Variants in PRELID2 observed in about 807,000 individuals in gnomAD.
PRELID2 encodes the protein PRELI domain containing 2, also known as PRELI domain-containing protein 2.
Under a neutral mutation model 28.4 loss-of-function variants are expected in PRELID2, and 25 were observed. That is an observed-to-expected ratio of 0.88 (90% CI 0.64 to 1.23). The LOEUF is 1.23. PRELID2 is among the 50% of genes most tolerant of loss of function. The pLI is 0.00. For synonymous variants in PRELID2, 76 were observed against 71.6 expected, an observed-to-expected ratio of 1.06 and a Z score of -0.31; for missense variants, 201 against 214.4, an observed-to-expected ratio of 0.94 and a Z score of 0.39.
At chr5:145,442,551 A>G in the PRELID2 span, among the ~76,000 whole-genome samples, 1 of 152,048 alleles carries the variant, frequency 6.6e-6, no homozygotes, top group Non-Finnish European at 1.5e-5. Context: ...TTGGTCTCGC[A>G]GTGCCAACAG....
At chr5:145,545,338 T>C (rs7714479) in intron 1 of PRELID2, among the ~76,000 whole-genome samples, 56,534 of 151,822 alleles carry the variant, frequency 0.37, 12,229 homozygotes, top group African/African-American at 0.61. Flanking sequence ...ACTCCTGGGA[T>C]GTGAGGCAGT....
chr5:145,732,503 A>T (rs1009315913), intron 1 of PRELID2, among the ~76,000 whole-genome samples: 2 of 152,242 alleles, frequency 1.3e-5, no homozygotes, highest in Non-Finnish European at 2.9e-5. Flanking sequence ...ACTACTGAGC[A>T]CTTGAAATGT....
chr5:145,397,626 AC>A, the PRELID2 span, among the ~76,000 whole-genome samples: 1 of 152,216 alleles, frequency 6.6e-6, no homozygotes, highest in Non-Finnish European at 1.5e-5. Context: ...CTAGTCATCT[AC>A]AAAGCTCTGC....
intron 1 of PRELID2, among the ~76,000 whole-genome samples, chr5:145,531,637 G>C (rs1446691102): frequency 1.3e-5 from 2 of 152,158 alleles, no homozygotes; most frequent in African/African-American, 2.4e-5. Context: ...TCTGCAGACT[G>C]TGCATCGGCA....
At chr5:145,655,080 T>G (rs1268987590) in intron 1 of PRELID2, among the ~76,000 whole-genome samples, 1 of 151,642 alleles carries the variant, frequency 6.6e-6, no homozygotes, top group African/African-American at 2.4e-5. Context: ...TGTGCAAAAA[T>G]CACAAGCATT....
the PRELID2 span, among the ~76,000 whole-genome samples, chr5:145,292,372 T>C: frequency 6.6e-6 from 1 of 152,102 alleles, no homozygotes; most frequent in South Asian, 2.1e-4. Flanking sequence ...TATGACTTCA[T>C]GAAAATGCAT....
chr5:145,570,432 T>A (rs1447444574), intron 1 of PRELID2, among the ~76,000 whole-genome samples: 2 of 152,156 alleles, frequency 1.3e-5, no homozygotes, highest in African/African-American at 4.8e-5. Context: ...AAAAAAAATT[T>A]GCAGGAGTAG....
intron 1 of PRELID2, among the ~76,000 whole-genome samples, chr5:145,693,242 G>A (rs1755186951): frequency 6.6e-6 from 1 of 151,152 alleles, no homozygotes; most frequent in African/African-American, 2.4e-5. Context: ...CTGCCTCCTG[G>A]GCTTAAGTGA....
At chr5:145,716,788 T>C (rs1309753685) in intron 1 of PRELID2, among the ~76,000 whole-genome samples, 1 of 152,208 alleles carries the variant, frequency 6.6e-6, no homozygotes, top group African/African-American at 2.4e-5. Flanking sequence ...GTTTGCTATG[T>C]GCCTGGCATT....
chr5:145,573,591 C>T (rs539059613), intron 1 of PRELID2, among the ~76,000 whole-genome samples: 1 of 152,208 alleles, frequency 6.6e-6, no homozygotes, highest in East Asian at 1.9e-4. Context: ...TGAGTGAGAA[C>T]ATGCCATGTT....
At chr5:145,640,465 G>C (rs1305468255) in intron 1 of PRELID2, among the ~76,000 whole-genome samples, 3 of 125,252 alleles carry the variant, frequency 2.4e-5, no homozygotes, top group Admixed American at 9.2e-5. Flanking sequence ...GACAGAGCGA[G>C]ACTCCGTCTC....
At chr5:145,290,502 A>C in the PRELID2 span, among the ~76,000 whole-genome samples, 1 of 151,690 alleles carries the variant, frequency 6.6e-6, no homozygotes. Flanking sequence ...TCGCAAGGAC[A>C]GAAAACCAAA....
At chr5:145,448,042 A>G in the PRELID2 span, among the ~76,000 whole-genome samples, 75 of 152,160 alleles carry the variant, frequency 4.9e-4, no homozygotes, top group African/African-American at 1.5e-3. Context: ...CTGAGGAATC[A>G]CCACACTGAC....
downstream of PRELID2, among the ~76,000 whole-genome samples, chr5:145,469,245 T>C (rs1285465337): frequency 2.6e-5 from 4 of 152,118 alleles, no homozygotes; most frequent in African/African-American, 9.7e-5. Context: ...AAATACTATC[T>C]AGATATAGTC....
chr5:145,638,996 T>A (rs6877894), intron 1 of PRELID2, among the ~76,000 whole-genome samples: 73 of 152,356 alleles, frequency 4.8e-4, no homozygotes, highest in African/African-American at 1.7e-3. Flanking sequence ...AATGGTGTTT[T>A]AGACCTGGAT....
chr5:145,448,029 T>C, the PRELID2 span, among the ~76,000 whole-genome samples: 438 of 152,206 alleles, frequency 2.9e-3, 4 homozygotes, highest in African/African-American at 0.01. Context: ...TAGTTCTAGA[T>C]CCCTGAGGAA....
intron 1 of PRELID2, among the ~76,000 whole-genome samples, chr5:145,530,769 G>C (rs2126660747): frequency 6.6e-6 from 1 of 152,146 alleles, no homozygotes; most frequent in Admixed American, 6.5e-5. Flanking sequence ...GGTAAAAATT[G>C]AGTGGAAGCT....
At chr5:145,653,139 C>A (rs970081186) in intron 1 of PRELID2, among the ~76,000 whole-genome samples, 1 of 152,086 alleles carries the variant, frequency 6.6e-6, no homozygotes, top group Non-Finnish European at 1.5e-5. Flanking sequence ...CAACAAAGAT[C>A]AAAAGGACAA....
the PRELID2 span, among the ~76,000 whole-genome samples, chr5:145,391,885 C>G: frequency 6.6e-6 from 1 of 152,168 alleles, no homozygotes; most frequent in Non-Finnish European, 1.5e-5. Context: ...CAAGACTCAT[C>G]TTTGCTCAAG....
Sources: gnomAD v4.1 joint callset for allele counts (sites outside exome capture counted in the v4.1 genomes callset) on GRCh38, gnomAD v4.1.1 for gene constraint, MANE v1.5 for transcripts, NCBI Gene and HGNC (gene_info 2026-07-23, HGNC 2026-07-21) for gene names.